Variants in SLC39A11 observed in about 807,000 individuals in gnomAD.
The protein encoded by SLC39A11 is zinc transporter ZIP11.
Under a neutral mutation model 36.1 loss-of-function variants are expected in SLC39A11, and 33 were observed. The ratio of observed to expected loss-of-function variants is 0.91; its 90% confidence interval spans 0.69 to 1.22. SLC39A11 has a LOEUF of 1.22. SLC39A11 is among the 50% of genes most tolerant of loss of function. The pLI is 0.00. For missense variants in SLC39A11, 432 were observed against 430.3 expected, an observed-to-expected ratio of 1.00 and a Z score of -0.03; for synonymous variants, 166 against 170.3, an observed-to-expected ratio of 0.97 and a Z score of 0.20.
chr17:72,843,355 T>G (rs74420932), intron 6 of SLC39A11, among the ~76,000 whole-genome samples: 6,141 of 152,264 alleles, frequency 0.04, 169 homozygotes, highest in Middle Eastern at 0.075. Flanking sequence ...TCAAGGTTTA[T>G]GTCTCCCCAG....
intron 4 of SLC39A11, among the ~76,000 whole-genome samples, chr17:72,956,602 C>T (rs1185077794): frequency 6.6e-6 from 1 of 152,176 alleles, no homozygotes; most frequent in Non-Finnish European, 1.5e-5. Flanking sequence ...CTTTTCTAAT[C>T]CTCGATGATT....
chr17:72,855,279 C>T (rs1005254484), intron 5 of SLC39A11, among the ~76,000 whole-genome samples: 1 of 152,188 alleles, frequency 6.6e-6, no homozygotes, highest in Non-Finnish European at 1.5e-5. Context: ...ACACCAGCAA[C>T]ACAGAATGTA....
chr17:72,775,104 C>T (rs1376229292), intron 6 of SLC39A11, among the ~76,000 whole-genome samples: 2 of 152,160 alleles, frequency 1.3e-5, no homozygotes, highest in Non-Finnish European at 2.9e-5. Flanking sequence ...TGGCCCTTTT[C>T]TTTGTTTTGC....
At chr17:72,954,494 G>A (rs892507582) in intron 4 of SLC39A11, among the ~76,000 whole-genome samples, 1 of 152,208 alleles carries the variant, frequency 6.6e-6, no homozygotes, top group East Asian at 1.9e-4. Context: ...CAGGGAAGGG[G>A]CTGGCGGGTG....
At chr17:72,658,342 G>T (rs943047915) in intron 7 of SLC39A11, among the ~76,000 whole-genome samples, 1 of 152,142 alleles carries the variant, frequency 6.6e-6, no homozygotes, top group Non-Finnish European at 1.5e-5. Flanking sequence ...AGAGGCTGAG[G>T]GCCAATGGCC....
chr17:73,008,569 A>G (rs2090326271), intron 4 of SLC39A11, among the ~76,000 whole-genome samples: 1 of 152,204 alleles, frequency 6.6e-6, no homozygotes, highest in African/African-American at 2.4e-5. Context: ...GCTCCTGATT[A>G]TAGGGACACC....
At chr17:73,076,111 T>C (rs2060310667) in intron 3 of SLC39A11, among the ~76,000 whole-genome samples, 2 of 151,920 alleles carry the variant, frequency 1.3e-5, no homozygotes, top group African/African-American at 4.8e-5. Context: ...GAGGGAATAA[T>C]GACTTTTTTT....
At chr17:72,717,954 G>A (rs530874759) in intron 7 of SLC39A11, among the ~76,000 whole-genome samples, 12 of 152,098 alleles carry the variant, frequency 7.9e-5, no homozygotes, top group Non-Finnish European at 1.6e-4. Flanking sequence ...TCCTGCCCCC[G>A]GTATCTCACT....
chr17:72,849,457 GATCT>G (rs2145992334), intron 6 of SLC39A11, 173 bp downstream of exon 6: 1 of 481,712 alleles, frequency 2.1e-6, no homozygotes, highest in Admixed American at 4.2e-5. Flanking sequence ...CACATATGAT[GATCT>G]ATCTATGACG....
chr17:72,934,349 G>A (rs2084613005), intron 5 of SLC39A11, among the ~76,000 whole-genome samples: 1 of 152,118 alleles, frequency 6.6e-6, no homozygotes, highest in Non-Finnish European at 1.5e-5. Context: ...TCTGACAAAG[G>A]TCCTCTATGC....
chr17:72,809,775 T>C (rs7342911), intron 6 of SLC39A11, among the ~76,000 whole-genome samples: 2,868 of 152,240 alleles, frequency 0.019, 92 homozygotes, highest in African/African-American at 0.064. Context: ...GTTTGTTTAA[T>C]TGAAAACGAA....
intron 6 of SLC39A11, among the ~76,000 whole-genome samples, chr17:72,787,237 C>T (rs560716276): frequency 1.4e-5 from 2 of 146,374 alleles, no homozygotes; most frequent in African/African-American, 5.1e-5. Flanking sequence ...GTCACTTTGA[C>T]TGCTATAACC....
intron 6 of SLC39A11, among the ~76,000 whole-genome samples, chr17:72,787,382 C>A (rs4793485): frequency 6.0e-5 from 9 of 150,890 alleles, no homozygotes; most frequent in South Asian, 2.1e-4. Flanking sequence ...CTCAGCCTCC[C>A]GAGTAGCTGG....
chr17:73,004,649 C>A (rs1305947672), intron 4 of SLC39A11, among the ~76,000 whole-genome samples: 1 of 152,202 alleles, frequency 6.6e-6, no homozygotes, highest in Non-Finnish European at 1.5e-5. Flanking sequence ...TAAAATAAGT[C>A]TCATTATTTG....
intron 3 of SLC39A11, chr17:73,067,844 A>G (rs989528569): frequency 1.7e-4 from 269 of 1,592,504 alleles, no homozygotes; most frequent in Non-Finnish European, 2.1e-4. Flanking sequence ...CATTTAATGT[A>G]GCAAGTTGAT....
Position 72,669,763 on chromosome 17 carries a change from G to A in SLC39A11, c.672-20495C>T, listed in dbSNP as rs1567926629. 2.6e-5 allele frequency among the ~76,000 whole-genome samples: 4 copies of A among 152,118 alleles called. 1 individual carries two copies. The highest frequency in any genetic ancestry group is 6.8e-3 in the Middle Eastern group (2 of 294). ...AATCCTAATACTTTGAGAGACTGAG[G>A]GGGGCAGACTGCTTGAGCCCAGGAG... On this transcript the variant is annotated intron_variant, in intron 7 of 9. Coordinates refer to ENST00000255559, the MANE Select transcript of SLC39A11 (RefSeq NM_139177.4).
chr17:72,767,143 C>A (rs996803368), intron 6 of SLC39A11, among the ~76,000 whole-genome samples: 69 of 152,346 alleles, frequency 4.5e-4, no homozygotes, highest in African/African-American at 1.7e-3. Flanking sequence ...CCAAAATAAA[C>A]CTTTGACTGT....
At chr17:72,723,109 A>T (rs2073769708) in intron 7 of SLC39A11, among the ~76,000 whole-genome samples, 1 of 152,234 alleles carries the variant, frequency 6.6e-6, no homozygotes, top group African/African-American at 2.4e-5. Context: ...ACAGTCTCAT[A>T]GCCATGGATA....
At chr17:72,665,787 T>TTCTTTCTTTC (rs1230859023) in intron 7 of SLC39A11, among the ~76,000 whole-genome samples, 2 of 152,106 alleles carry the variant, frequency 1.3e-5, no homozygotes, top group Non-Finnish European at 2.9e-5. Flanking sequence ...CTCTTTCTTT[T>TTCTTTCTTTC]TCTTTCTTTC....
Sources: allele counts gnomAD v4.1 joint callset (sites outside exome capture counted in the v4.1 genomes callset), GRCh38; gene constraint gnomAD v4.1.1; transcripts MANE v1.5; gene names NCBI Gene and HGNC (gene_info 2026-07-23, HGNC 2026-07-21).